Variants in PKNOX2 observed in about 807,000 individuals in gnomAD.
PKNOX2 encodes the protein homeobox protein PKNOX2.
In PKNOX2, 14 loss-of-function variants were observed where a neutral mutation model predicts 53.1. The ratio of observed to expected loss-of-function variants is 0.26; its 90% CI spans 0.17 to 0.41. PKNOX2 has a LOEUF of 0.41. PKNOX2 is among the 10% of genes least tolerant of loss of function. The probability of loss-of-function intolerance (pLI) is 1.00; values close to 1 mark genes in which losing one functional copy is unlikely to be tolerated. For missense variants in PKNOX2, 496 were observed against 602.8 expected (o/e 0.82, Z 1.85); for synonymous variants, 257 against 242.8 (o/e 1.06, Z -0.54).
intron 7 of PKNOX2, among the ~76,000 whole-genome samples, chr11:125,398,336 G>A (rs1954537744): frequency 6.6e-6 from 1 of 152,184 alleles, no homozygotes; most frequent in African/African-American, 2.4e-5. Flanking sequence ...TGGCTTCCTG[G>A]CCCAAGGTAT....
chr11:125,370,991 G>A lies in PKNOX2; in HGVS notation c.227+3006G>A, dbSNP rs539922274. On this transcript the variant is annotated intron_variant, in intron 5 of 12. Coordinates refer to ENST00000298282, the MANE Select transcript of PKNOX2 (RefSeq NM_001382323.2). This position sits in a 1 kb window ranked among gnomAD's most constrained non-coding sequence, Gnocchi z 4.1. ...GCCTAGGACACTGCTCGGTGGCAGA[G>A]GGGCAGTGTGACAAAGGGGAGGGAG... 6.6e-6 allele frequency among the ~76,000 whole-genome samples: 1 copy of A among 152,290 alleles called. No individual in the cohort carries two copies. Among genetic ancestry groups the A allele is most frequent in the East Asian group, 1.9e-4 (1 of 5,174 alleles).
intron 4 of PKNOX2, among the ~76,000 whole-genome samples, chr11:125,360,614 C>T (rs912302637): frequency 2.6e-5 from 4 of 152,164 alleles, no homozygotes; most frequent in African/African-American, 9.7e-5. Context: ...CTCACACTTG[C>T]CTACCTCCCA....
rs577315270 is a variant in PKNOX2 at position 125,334,029 on chromosome 11, G to A, written c.-23+2104G>A. 2.6e-5 allele frequency among the ~76,000 whole-genome samples: 4 copies of A among 152,324 alleles called. No homozygotes were observed. In the South Asian group the frequency reaches 8.3e-4, roughly 32 times the overall value. ...GAGTCAGGGCTCAGTGGAGGCAGAGGTGCCTAGGAAGACATAGGAGGAGGC... is the reference window on the plus strand; with the variant it reads ...GAGTCAGGGCTCAGTGGAGGCAGAGATGCCTAGGAAGACATAGGAGGAGGC... On this transcript the variant is annotated intron_variant, in intron 3 of 12. Coordinates refer to ENST00000298282, the MANE Select transcript of PKNOX2 (RefSeq NM_001382323.2).
At chr11:125,275,496 T>G (rs1198189130) in intron 2 of PKNOX2, among the ~76,000 whole-genome samples, 2 of 152,058 alleles carry the variant, frequency 1.3e-5, no homozygotes, top group Non-Finnish European at 2.9e-5. Context: ...GAGAGCTGAG[T>G]GTGCTTTAGA....
chr11:125,189,772 T>G (rs1203204612), intron 1 of PKNOX2, among the ~76,000 whole-genome samples: 1 of 151,752 alleles, frequency 6.6e-6, no homozygotes, highest in Non-Finnish European at 1.5e-5. Context: ...ACTCCAAAAT[T>G]TTTTCGGTCT....
chr11:125,254,629 G>C (rs1027135528), intron 2 of PKNOX2, among the ~76,000 whole-genome samples: 6 of 152,188 alleles, frequency 3.9e-5, no homozygotes, highest in African/African-American at 1.4e-4. Context: ...GGTTGTGTAG[G>C]GGATCACAAC....
chr11:125,249,649 G>A (rs942797931), intron 2 of PKNOX2, among the ~76,000 whole-genome samples: 1 of 152,152 alleles, frequency 6.6e-6, no homozygotes, highest in South Asian at 2.1e-4. Flanking sequence ...TCACGGATTC[G>A]AGTGTCCATG....
chr11:125,254,856 G>T (rs1443745811), intron 2 of PKNOX2, among the ~76,000 whole-genome samples: 4 of 152,210 alleles, frequency 2.6e-5, no homozygotes, highest in Non-Finnish European at 5.9e-5. Flanking sequence ...AGCAGATGGG[G>T]ATGGCAAGTG....
chr11:125,272,716 T>C (rs1945884466), intron 2 of PKNOX2, among the ~76,000 whole-genome samples: 1 of 152,128 alleles, frequency 6.6e-6, no homozygotes, highest in African/African-American at 2.4e-5. Context: ...ACAGCCGCCT[T>C]CTTTGTGGGG....
At chr11:125,363,871 G>C (rs116581918) in intron 4 of PKNOX2, among the ~76,000 whole-genome samples, 3,525 of 152,226 alleles carry the variant, frequency 0.023, 130 homozygotes, top group African/African-American at 0.079. Context: ...GGAGGGCAGG[G>C]GCAAGCCCTG....
intron 2 of PKNOX2, among the ~76,000 whole-genome samples, chr11:125,282,957 G>A (rs1239884587): frequency 1.3e-5 from 2 of 152,140 alleles, no homozygotes; most frequent in Admixed American, 1.3e-4. Flanking sequence ...TTCGAGACCA[G>A]CCAGGGCAAC....
chr11:125,381,356 G>A (rs763334704), intron 5 of PKNOX2, among the ~76,000 whole-genome samples: 23 of 152,120 alleles, frequency 1.5e-4, no homozygotes, highest in Non-Finnish European at 2.6e-4. Flanking sequence ...AACCCTGACT[G>A]CTCAGTCCTC....
At chr11:125,376,992 G>A (rs999789687) in intron 5 of PKNOX2, among the ~76,000 whole-genome samples, 5 of 152,182 alleles carry the variant, frequency 3.3e-5, no homozygotes, top group Admixed American at 1.3e-4. Flanking sequence ...TATTTGAATT[G>A]GCATGTGGGT....
rs1482866664 is a variant in PKNOX2, at chr11:125,166,406, C to T, written c.-201+1630C>T. Among the ~76,000 whole-genome samples, 1 of 152,222 alleles carries T rather than the reference C, an allele frequency of 6.6e-6. No individual in the cohort carries two copies. The highest frequency in any genetic ancestry group is 6.5e-5 in the Admixed American group (1 of 15,290). ...CTTTAGGAGGAGAGGACTTGGGCCA[C>T]ACAGGACCCGGTCCTAAGAGAGCGA... On this transcript the variant is annotated intron_variant, in intron 1 of 12. Transcript: ENST00000298282. This position sits in a 1 kb window ranked among gnomAD's most constrained non-coding sequence, Gnocchi z 4.0.
At chr11:125,295,549 G>T (rs1307026355) in intron 2 of PKNOX2, among the ~76,000 whole-genome samples, 2 of 152,198 alleles carry the variant, frequency 1.3e-5, no homozygotes, top group Non-Finnish European at 2.9e-5. Flanking sequence ...TCCTGTGGTT[G>T]AAGGATGAGG....
At chr11:125,314,522 G>T (rs1448753605) in intron 2 of PKNOX2, among the ~76,000 whole-genome samples, 1 of 152,150 alleles carries the variant, frequency 6.6e-6, no homozygotes, top group Admixed American at 6.5e-5. Context: ...GGTGTGCTCT[G>T]CATGTCAGGG....
intron 5 of PKNOX2, among the ~76,000 whole-genome samples, chr11:125,383,014 G>A (rs889141785): frequency 2.0e-5 from 3 of 152,132 alleles, no homozygotes; most frequent in Non-Finnish European, 4.4e-5. Flanking sequence ...AACCAGGGTC[G>A]GGGAGAGAGT....
At chr11:125,320,231 G>A (rs1949442566) in intron 2 of PKNOX2, among the ~76,000 whole-genome samples, 1 of 152,118 alleles carries the variant, frequency 6.6e-6, no homozygotes, top group Non-Finnish European at 1.5e-5. Context: ...TGGGAATCTA[G>A]GAACCATAGA....
intron 1 of PKNOX2, among the ~76,000 whole-genome samples, chr11:125,233,239 G>A (rs1436714401): frequency 6.6e-6 from 1 of 152,176 alleles, no homozygotes; most frequent in Non-Finnish European, 1.5e-5. Flanking sequence ...ATGTGCACCT[G>A]AAAAGTTGGC....
Sources: allele counts gnomAD v4.1 joint callset (sites outside exome capture counted in the v4.1 genomes callset), GRCh38; gene constraint gnomAD v4.1.1; non-coding constraint Gnocchi (gnomAD v3.1); transcripts MANE v1.5; gene names NCBI Gene and HGNC (gene_info 2026-07-23, HGNC 2026-07-21).